The following TTBK1 variants were observed in gnomAD, a reference collection of about 807,000 sequenced individuals.
TTBK1 encodes the protein tau tubulin kinase 1.
A neutral mutation model predicts 108.5 loss-of-function variants in TTBK1; 34 were observed. The observed-to-expected ratio is 0.31, with a 90% confidence interval of 0.24 to 0.42. TTBK1 has a LOEUF of 0.42. TTBK1 is among the 10% of genes least tolerant of loss of function. The probability of loss-of-function intolerance (pLI) is 1.00; values close to 1 mark genes in which losing one functional copy is unlikely to be tolerated. For synonymous variants in TTBK1, 809 were observed against 795.1 expected, an observed-to-expected ratio of 1.02 and a Z score of -0.29; for missense variants, 1,539 against 1,826.0, an observed-to-expected ratio of 0.84 and a Z score of 2.86.
intron 13 of TTBK1, chr6:43,271,954 T>C (rs969790363): frequency 1.0e-5 from 10 of 984,210 alleles, no homozygotes; most frequent in Non-Finnish European, 1.2e-5. Flanking sequence ...TTGGATGGCT[T>C]TGCACCCTGC....
chr6:43,274,848 A>C (rs1777921800), intron 13 of TTBK1, among the ~76,000 whole-genome samples: 1 of 152,090 alleles, frequency 6.6e-6, no homozygotes, highest in African/African-American at 2.4e-5. Flanking sequence ...GGAGGCCCCA[A>C]GCCTGAGTGC....
intron 12 of TTBK1, among the ~76,000 whole-genome samples, chr6:43,262,041 C>T (rs1777554792): frequency 1.3e-5 from 2 of 152,098 alleles, no homozygotes; most frequent in South Asian, 4.1e-4. Flanking sequence ...GACAGCCAAC[C>T]TGTATCAGAC....
intron 9 of TTBK1, 83 bp downstream of exon 9, chr6:43,255,939 G>C: frequency 6.4e-7 from 1 of 1,558,384 alleles, no homozygotes; most frequent in Non-Finnish European, 8.8e-7. Flanking sequence ...TCCTGCTGAG[G>C]CTCCACAGCC....
At chr6:43,248,284 A>C (rs949451570) in intron 2 of TTBK1, among the ~76,000 whole-genome samples, 5 of 152,078 alleles carry the variant, frequency 3.3e-5, no homozygotes, top group Middle Eastern at 3.2e-3. Flanking sequence ...AGAGAGGGTG[A>C]GGGGCCACAT....
At chr6:43,260,593 A>G (rs1314401371) in intron 12 of TTBK1, among the ~76,000 whole-genome samples, 1 of 152,214 alleles carries the variant, frequency 6.6e-6, no homozygotes, top group Non-Finnish European at 1.5e-5. Flanking sequence ...TGTCTGTGGT[A>G]GCCTGGAGTC....
At chr6:43,271,926 G>A (rs776797022) in intron 13 of TTBK1, 99 of 961,884 alleles carry the variant, frequency 1.0e-4, no homozygotes, top group Middle Eastern at 1.1e-3. Flanking sequence ...CCAAGCCTCT[G>A]TTGCCCTCTG....
chr6:43,282,865 G>A lies in TTBK1; in HGVS notation c.2125G>A (p.Gly709Ser). Residue 709 changes from glycine (G) to serine (S), a missense_variant, in exon 14 of 15, where the codon GGC becomes AGC. Gly to Ser is a moderately conservative substitution (Grantham distance 56). Around this residue, in one of 5 missense-constraint regions of TTBK1, gnomAD observed 1,055 missense variants for 1,086.5 expected, o/e 0.97. Transcript: ENST00000259750. This position sits in a 1 kb window ranked among gnomAD's most constrained non-coding sequence, Gnocchi z 5.4. Reference protein sequence around the residue: ...ARLLNRVRRVGFSHMLLTTPQ... With the variant: ...ARLLNRVRRVSFSHMLLTTPQ... ...GTTGCTCAACAGGGTCCGGAGGGTG[G>A]GCTTCTCGCACATGCTGCTCACCAC... 3 of 1,613,978 alleles carry A rather than the reference G, an allele frequency of 1.9e-6. No individual in the cohort carries two copies. Among genetic ancestry groups the A allele is most frequent in the Non-Finnish European group, 2.5e-6 (3 of 1,180,000 alleles).
chr6:43,260,806 C>T (rs1777520788), intron 12 of TTBK1, among the ~76,000 whole-genome samples: 1 of 152,136 alleles, frequency 6.6e-6, no homozygotes, highest in Admixed American at 6.5e-5. Flanking sequence ...ATATCATAGA[C>T]AGCAGAGGGT....
At chr6:43,277,236 C>T (rs138409222) in intron 13 of TTBK1, among the ~76,000 whole-genome samples, 83 of 151,920 alleles carry the variant, frequency 5.5e-4, no homozygotes, top group Middle Eastern at 3.4e-3. Flanking sequence ...GGGGGTGGCC[C>T]GCCAAGGAGG....
At position 43,285,100 on chromosome 6, in the gene TTBK1, G is replaced by C; in HGVS notation, c.3690G>C (p.Pro1230=). ...AAGCCGGAGCCAGGCCCCCAGCGCC[G>C]CGCAGCCCGCGCCTCCCCGCGTCCA... The part of the protein sequence containing the change: ...RAQAGARPPA[P]RSPRLPASTS... The change falls in exon 15 of 15, where the codon CCG becomes CCC. Residue 1230 remains proline (P), a synonymous_variant. Transcript: ENST00000259750. The surrounding 1 kb of genome is among the most constrained non-coding windows in gnomAD (Gnocchi z 4.7). 1 of 1,477,858 alleles carries C rather than the reference G, an allele frequency of 6.8e-7. No homozygotes were observed. Among genetic ancestry groups the C allele is most frequent in the Non-Finnish European group, 8.9e-7 (1 of 1,122,380 alleles). 91.5% of individuals were successfully genotyped at this position (1,477,858 alleles called of 1,614,324 possible).
At position 43,259,422 on chromosome 6, in the gene TTBK1, C is replaced by G; in HGVS notation, c.1249-109C>G. On this transcript the variant is annotated intron_variant, in intron 11 of 14. Transcript: ENST00000259750. This position sits in a 1 kb window ranked among gnomAD's most constrained non-coding sequence, Gnocchi z 6.7. ...TTTCCCGGTCCCTCCCCGCACTAGC[C>G]TCGCTGTGTCTTCCATCATCATCAT... 1 of 1,359,520 alleles carries G rather than the reference C, an allele frequency of 7.4e-7. No homozygotes were observed. Among genetic ancestry groups the G allele is most frequent in the Non-Finnish European group, 9.9e-7 (1 of 1,008,728 alleles). The allele number at this position is 1,359,520 out of a possible 1,614,324, so 84.2% of individuals were successfully genotyped here.
rs752565351 is a variant in TTBK1 at position 43,283,743 on chromosome 6, C to T, written c.3003C>T (p.Ala1001=). ...TAGAGGGCTCTGCCCTGTCTGGGGC[C>T]CCCCGGGAAACCCCCTCAGAGATGG... ...AEIEGSALSG[A]PRETPSEMAT... The change falls in exon 14 of 15, where the codon GCC becomes GCT. Residue 1001 remains alanine, a synonymous_variant. Coordinates refer to ENST00000259750, the MANE Select transcript of TTBK1 (RefSeq NM_032538.3). The surrounding 1 kb of genome is among the most constrained non-coding windows in gnomAD (Gnocchi z 8.1). 19 of 1,613,634 alleles carry T rather than the reference C, an allele frequency of 1.2e-5. No homozygotes were observed. Among genetic ancestry groups the T allele is most frequent in the Non-Finnish European group, 1.5e-5 (18 of 1,179,846 alleles).
rs1777019959 is a variant in TTBK1, at chr6:43,243,872, G to A, written c.-55+164G>A. Among the ~76,000 whole-genome samples the A allele has an allele frequency of 6.6e-6, 1 of 152,060 alleles. No individual in the cohort carries two copies. Among genetic ancestry groups the A allele is most frequent in the Non-Finnish European group, 1.5e-5 (1 of 67,948 alleles). On this transcript the variant is annotated intron_variant, in intron 1 of 14. Coordinates refer to ENST00000259750, the MANE Select transcript of TTBK1 (RefSeq NM_032538.3). This position sits in a 1 kb window ranked among gnomAD's most constrained non-coding sequence, Gnocchi z 5.5. ...TGGCCTACACCGCCTGGGCCGCGCC[G>A]AGGCCTGGAGCCGCTCCCTGTCCCC...
chr6:43,250,348 CTTTTTTTTTTTTT>C (rs555371314), intron 2 of TTBK1, among the ~76,000 whole-genome samples: 2 of 89,110 alleles, frequency 2.2e-5, no homozygotes, highest in Non-Finnish European at 4.3e-5. Flanking sequence ...CCTGGCTTTG[CTTTTTTTTTTTTT>C]TTTTTTTTTT....
At chr6:43,256,072 A>C (rs1244133867) in intron 9 of TTBK1, among the ~76,000 whole-genome samples, 1 of 152,038 alleles carries the variant, frequency 6.6e-6, no homozygotes, top group Non-Finnish European at 1.5e-5. Context: ...CTTTTCATGC[A>C]TTCACTCATT....
At position 43,282,041 on chromosome 6, in the gene TTBK1, G is replaced by A. The variant is rs1466696196; in HGVS notation, c.1987-686G>A. Among the ~76,000 whole-genome samples the A allele has an allele frequency of 6.6e-6, 1 of 152,270 alleles. No individual in the cohort carries two copies. Among genetic ancestry groups the A allele is most frequent in the Non-Finnish European group, 1.5e-5 (1 of 68,050 alleles). ...AAGAGGAAAATGGAATGGAGCTCAAGTATACCTGTCGAGGGCTGGACAAAT... is the reference window on the plus strand; with the variant it reads ...AAGAGGAAAATGGAATGGAGCTCAAATATACCTGTCGAGGGCTGGACAAAT... On this transcript the variant is annotated intron_variant, in intron 13 of 14. Transcript: ENST00000259750. The surrounding 1 kb of genome is among the most constrained non-coding windows in gnomAD (Gnocchi z 5.4).
intron 13 of TTBK1, among the ~76,000 whole-genome samples, chr6:43,278,492 C>T (rs532292938): frequency 6.6e-6 from 1 of 152,336 alleles, no homozygotes; most frequent in African/African-American, 2.4e-5. Context: ...TGGGCCTCTT[C>T]TCTGACCTAC....
chr6:43,271,244 A>G lies in TTBK1; in HGVS notation c.1986+7894A>G, dbSNP rs1777825550. On this transcript the variant is annotated intron_variant, in intron 13 of 14. Coordinates refer to ENST00000259750, the MANE Select transcript of TTBK1 (RefSeq NM_032538.3). ...TTTATTTCAGTGAGACTGTGTCTGT[A>G]TGTTTGCTTGTGTGCATGCGCGTAC... 20 of 985,296 alleles carry G rather than the reference A, an allele frequency of 2.0e-5. No homozygotes were observed. The South Asian group carries it at 7.5e-4, about 37-fold the overall frequency. 61.0% of individuals were successfully genotyped at this position (985,296 alleles called of 1,614,324 possible). A position where few individuals can be genotyped will look rare whatever the true frequency, so the allele number is the denominator to read the frequency against.
In TTBK1 at chr6:43,276,335, GT is replaced by G. The variant is rs1777998906; in HGVS notation, c.1987-6391del. On this transcript the variant is annotated intron_variant, in intron 13 of 14. Transcript: ENST00000259750. The surrounding 1 kb of genome is among the most constrained non-coding windows in gnomAD (Gnocchi z 5.4). The stretch of plus-strand genomic sequence containing the variant: ...TTTTTTCTTCCTCTCTCTCTCCGGG[GT>G]GCGTCCTCCTTAGTGTACATAGCGG... Among the ~76,000 whole-genome samples the G allele has an allele frequency of 6.6e-6, 1 of 152,112 alleles. No homozygotes were observed. Among genetic ancestry groups the G allele is most frequent in the African/African-American group, 2.4e-5 (1 of 41,410 alleles).
Sources: gnomAD v4.1 joint callset for allele counts (sites outside exome capture counted in the v4.1 genomes callset) on GRCh38, gnomAD v4.1.1 for gene constraint, gnomAD v4.1.1 regional missense constraint, Gnocchi (gnomAD v3.1) non-coding constraint, MANE v1.5 for transcripts, NCBI Gene and HGNC (gene_info 2026-07-23, HGNC 2026-07-21) for gene names.